The following SNTG1 variants were observed in gnomAD, a reference collection of about 807,000 sequenced individuals.
SNTG1 encodes gamma-1-syntrophin.
SNTG1 carries 39 observed loss-of-function variants against 74.7 expected under a neutral mutation model. The observed-to-expected ratio is 0.52, with a 90% CI of 0.40 to 0.68. The LOEUF is 0.68. SNTG1 is among the 30% of genes least tolerant of loss of function. The pLI is 0.00. For synonymous variants in SNTG1, 254 were observed against 217.1 expected (o/e 1.17, Z -1.49); for missense variants, 685 against 609.5 (o/e 1.12, Z -1.30).
At chr8:50,403,915 C>T (rs1218613397) in intron 4 of SNTG1, among the ~76,000 whole-genome samples, 1 of 152,160 alleles carries the variant, frequency 6.6e-6, no homozygotes, top group Non-Finnish European at 1.5e-5. Flanking sequence ...TAATACCTTG[C>T]TTAATAATCA....
intron 15 of SNTG1, among the ~76,000 whole-genome samples, chr8:50,676,747 A>T (rs773901243): frequency 6.6e-6 from 1 of 151,870 alleles, no homozygotes; most frequent in Non-Finnish European, 1.5e-5. Context: ...AAATAATTTC[A>T]TATTATTCTG....
chr8:50,225,479 T>G (rs1364949466), intron 2 of SNTG1, among the ~76,000 whole-genome samples: 3 of 152,200 alleles, frequency 2.0e-5, no homozygotes, highest in Non-Finnish European at 4.4e-5. Context: ...CCTTGAGTTG[T>G]CCCCTGCCTT....
intron 9 of SNTG1, among the ~76,000 whole-genome samples, chr8:50,522,157 T>C (rs2130175954): frequency 6.6e-6 from 1 of 152,312 alleles, no homozygotes; most frequent in South Asian, 2.1e-4. Context: ...TTGAAATTCC[T>C]TTTTCATCCA....
intron 8 of SNTG1, among the ~76,000 whole-genome samples, chr8:50,454,935 A>G (rs1278491124): frequency 6.6e-6 from 1 of 152,108 alleles, no homozygotes; most frequent in Non-Finnish European, 1.5e-5. Flanking sequence ...AAGAAAGAAT[A>G]TATAAATAAC....
At chr8:50,439,693 A>G (rs2093339672) in intron 5 of SNTG1, among the ~76,000 whole-genome samples, 1 of 150,568 alleles carries the variant, frequency 6.6e-6, no homozygotes, top group Non-Finnish European at 1.5e-5. Flanking sequence ...ATCACTCAAT[A>G]AATGAGATTT....
At chr8:50,209,722 G>A (rs537402034) in intron 2 of SNTG1, among the ~76,000 whole-genome samples, 84 of 152,258 alleles carry the variant, frequency 5.5e-4, no homozygotes, top group African/African-American at 1.6e-3. Context: ...CCATCTGTAC[G>A]TCACCATCAT....
chr8:50,261,205 C>T (rs376902302), intron 2 of SNTG1, among the ~76,000 whole-genome samples: 44 of 152,124 alleles, frequency 2.9e-4, no homozygotes, highest in African/African-American at 9.2e-4. Context: ...ATAATTGTAT[C>T]ACTCTTGTCA....
rs573970296 is a variant in SNTG1, at chr8:50,029,543, T to C, written c.-103+117312T>C. On this transcript the variant is annotated intron_variant, in intron 1 of 18. Transcript: ENST00000642720. ...CTCTGGTAACCATCATTCTATTCTT[T>C]ATGTTCATGAGTTCAACTGTTTTAA... Among the ~76,000 whole-genome samples the C allele has an allele frequency of 1.6e-3, 251 of 152,276 alleles. 1 individual carries two copies. The highest frequency in any genetic ancestry group is 2.9e-3 in the Non-Finnish European group (196 of 68,004).
At chr8:50,255,193 T>A (rs886526927) in intron 2 of SNTG1, among the ~76,000 whole-genome samples, 2 of 152,150 alleles carry the variant, frequency 1.3e-5, no homozygotes, top group Admixed American at 6.5e-5. Flanking sequence ...GTATTTCTTA[T>A]CAGGGTCACT....
At position 50,384,201 on chromosome 8, in the gene SNTG1, T is replaced by G. The variant is rs1022620049; in HGVS notation, c.-27-10011T>G. Among the ~76,000 whole-genome samples the G allele has an allele frequency of 1.5e-4, 23 of 152,146 alleles. No homozygotes were observed. The South Asian group carries it at 4.8e-3, about 32-fold the overall frequency. On this transcript the variant is annotated intron_variant, in intron 2 of 18. Transcript: ENST00000642720. ...CCACCTGGCTGATGCCATAACTGTT[T>G]TCAAAAGGCCATTGCACTGCTCTAT...
At chr8:50,085,985 T>G (rs917534725) in intron 1 of SNTG1, among the ~76,000 whole-genome samples, 18 of 152,162 alleles carry the variant, frequency 1.2e-4, no homozygotes, top group African/African-American at 4.1e-4. Context: ...ATTTACTTTT[T>G]TGTCTTATGA....
chr8:50,106,291 C>A (rs1230033925), intron 1 of SNTG1, among the ~76,000 whole-genome samples: 2 of 152,032 alleles, frequency 1.3e-5, no homozygotes, highest in Non-Finnish European at 2.9e-5. Context: ...ATAATCAGAT[C>A]TCATGAGAAC....
intron 12 of SNTG1, among the ~76,000 whole-genome samples, chr8:50,553,928 C>A (rs1049868966): frequency 6.6e-6 from 1 of 152,112 alleles, no homozygotes; most frequent in African/African-American, 2.4e-5. Context: ...TGTTAATTCT[C>A]TCCTCAGTCC....
chr8:50,764,599 G>A (rs749068005), intron 18 of SNTG1, among the ~76,000 whole-genome samples: 4 of 151,784 alleles, frequency 2.6e-5, no homozygotes, highest in Admixed American at 2.0e-4. Context: ...TCTATCAAAT[G>A]GCTATTATCA....
intron 18 of SNTG1, among the ~76,000 whole-genome samples, chr8:50,782,554 A>G (rs1161934115): frequency 6.6e-6 from 1 of 152,140 alleles, no homozygotes; most frequent in Admixed American, 6.5e-5. Context: ...TTTCAGCTCC[A>G]TCATCTCCTT....
chr8:49,956,586 T>C (rs1381225490), intron 1 of SNTG1, among the ~76,000 whole-genome samples: 1 of 152,230 alleles, frequency 6.6e-6, no homozygotes, highest in Admixed American at 6.5e-5. Flanking sequence ...TGTTGATTAG[T>C]GTTTCCCAAT....
At chr8:50,275,015 G>A (rs1413089438) in intron 2 of SNTG1, among the ~76,000 whole-genome samples, 3 of 152,024 alleles carry the variant, frequency 2.0e-5, no homozygotes, top group Non-Finnish European at 2.9e-5. Flanking sequence ...TATAAATTAT[G>A]CTGCAGTTTT....
chr8:49,974,672 C>T (rs1244830074), intron 1 of SNTG1, among the ~76,000 whole-genome samples: 1 of 152,022 alleles, frequency 6.6e-6, no homozygotes, highest in African/African-American at 2.4e-5. Context: ...AAAATGAAGG[C>T]CCTGAACTAG....
chr8:49,909,943 G>C (rs1441958567), upstream of SNTG1: 1 of 152,304 alleles, frequency 6.6e-6, no homozygotes, highest in African/African-American at 2.4e-5. Flanking sequence ...TCCGTCCCGA[G>C]TGATTCCCGG....
Sources: allele counts gnomAD v4.1 joint callset (sites outside exome capture counted in the v4.1 genomes callset), GRCh38; gene constraint gnomAD v4.1.1; transcripts MANE v1.5; gene names NCBI Gene and HGNC (gene_info 2026-07-23, HGNC 2026-07-21).